Variants in PSME4 observed in about 807,000 individuals in gnomAD.
PSME4 encodes proteasome activator subunit 4.
Under a neutral mutation model 253.9 loss-of-function variants are expected in PSME4, and 89 were observed. That is an observed-to-expected ratio of 0.35 (90% CI 0.30 to 0.42). The LOEUF is 0.42. Among genes scored for constraint, PSME4 ranks in the 10% least tolerant of loss-of-function variants. The probability of loss-of-function intolerance (pLI) is 1.00; values close to 1 mark genes in which losing one functional copy is unlikely to be tolerated. For synonymous variants in PSME4, 851 were observed against 759.2 expected, an observed-to-expected ratio of 1.12 and a Z score of -1.99; for missense variants, 2,014 against 2,195.2, an observed-to-expected ratio of 0.92 and a Z score of 1.65.
At chr2:53,959,819 C>G (rs1204879801) in intron 1 of PSME4, among the ~76,000 whole-genome samples, 1 of 152,156 alleles carries the variant, frequency 6.6e-6, no homozygotes, top group Non-Finnish European at 1.5e-5. Context: ...ATTTCTAGAG[C>G]AAACAACACA....
At chr2:53,869,058 G>C (rs1007711379) in intron 44 of PSME4, among the ~76,000 whole-genome samples, 1 of 152,102 alleles carries the variant, frequency 6.6e-6, no homozygotes, top group Admixed American at 6.5e-5. Flanking sequence ...TTCCAAAACA[G>C]GTTTTTCAGA....
chr2:53,936,717 G>GAA (rs751701374), intron 6 of PSME4, 47 bp downstream of exon 6: 177 of 1,154,928 alleles, frequency 1.5e-4, no homozygotes, highest in South Asian at 3.8e-4. Flanking sequence ...GGGGAAAAAA[G>GAA]AAAAAAAAAA....
intron 44 of PSME4, among the ~76,000 whole-genome samples, chr2:53,868,415 G>A (rs1312922849): frequency 1.3e-5 from 2 of 149,538 alleles, no homozygotes; most frequent in Non-Finnish European, 3.0e-5. Context: ...TCATGCCACT[G>A]CACTCCAGCC....
At chr2:53,898,639 A>G (rs1325289275) in intron 29 of PSME4, among the ~76,000 whole-genome samples, 4 of 146,012 alleles carry the variant, frequency 2.7e-5, no homozygotes, top group East Asian at 2.0e-4. Context: ...AGTGGCACAC[A>G]CACACACACA....
At chr2:53,936,521 A>G (rs1669122827) in intron 6 of PSME4, among the ~76,000 whole-genome samples, 1 of 152,218 alleles carries the variant, frequency 6.6e-6, no homozygotes, top group South Asian at 2.1e-4. Context: ...TGCATTTTAC[A>G]ATACATGCTT....
Position 53,906,682 on chromosome 2 carries a change from T to C in PSME4, c.2859A>G (p.Leu953=). 6.2e-7 allele frequency: 1 copy of C among 1,600,018 alleles called. No individual in the cohort carries two copies. The highest frequency in any genetic ancestry group is 8.5e-7 in the Non-Finnish European group (1 of 1,174,648). Residue 953 remains leucine, a synonymous_variant, in exon 26 of 47, where the codon CTA becomes CTG. Coordinates refer to ENST00000404125, the MANE Select transcript of PSME4 (RefSeq NM_014614.3). ...RVMLQHELRT[L]TVEGCEYKKI... ...TTTTGTATTCACAACCCTCAACAGT[T>C]AGTGTCCGTAGCTAAGAAAACAATC...
chr2:53,958,315 C>T (rs574563484), intron 1 of PSME4, among the ~76,000 whole-genome samples: 15 of 151,624 alleles, frequency 9.9e-5, no homozygotes, highest in African/African-American at 2.4e-4. Context: ...GAGATAGCAC[C>T]GCTACACTCC....
At chr2:53,887,178 T>TA (rs911597257) in intron 40 of PSME4, 81 bp downstream of exon 40, 8 of 1,282,170 alleles carry the variant, frequency 6.2e-6, no homozygotes, top group South Asian at 1.3e-5. Context: ...TTTACCACAA[T>TA]AAAAAAAGTG....
intron 3 of PSME4, among the ~76,000 whole-genome samples, chr2:53,940,988 T>TA (rs1669423911): frequency 1.1e-5 from 1 of 90,362 alleles, no homozygotes; most frequent in Non-Finnish European, 2.5e-5. Context: ...TATATATATA[T>TA]ATATATATAT....
At chr2:53,961,277 C>T (rs1265418706) in intron 1 of PSME4, among the ~76,000 whole-genome samples, 1 of 152,174 alleles carries the variant, frequency 6.6e-6, no homozygotes, top group Admixed American at 6.5e-5. Flanking sequence ...GTTTTTACTA[C>T]CATGCTCTCA....
intron 8 of PSME4, 52 bp from the exon 9 acceptor site, chr2:53,932,812 CAG>C (rs776249297): frequency 2.9e-6 from 4 of 1,379,254 alleles, no homozygotes; most frequent in East Asian, 2.3e-5. Context: ...ACTGTAAAAA[CAG>C]AGGTCAACAG....
At chr2:53,876,771 T>G (rs1031506944) in intron 41 of PSME4, among the ~76,000 whole-genome samples, 7 of 134,056 alleles carry the variant, frequency 5.2e-5, no homozygotes, top group African/African-American at 2.0e-4. Flanking sequence ...CAGGCTGGAG[T>G]GTAGTGGCAC....
At chr2:53,945,424 G>A (rs1669655339) in intron 3 of PSME4, among the ~76,000 whole-genome samples, 1 of 152,056 alleles carries the variant, frequency 6.6e-6, no homozygotes, top group Admixed American at 6.6e-5. Context: ...GTAGAAAGTA[G>A]ACTGAGATGA....
In PSME4 at chr2:53,864,764, T is replaced by G. The variant is rs903557392; in HGVS notation, c.*814A>C. 3.9e-5 allele frequency: 6 copies of G among 152,616 alleles called. No individual in the cohort carries two copies. The highest frequency in any genetic ancestry group is 5.9e-5 in the Non-Finnish European group (4 of 68,036). 9.5% of individuals were successfully genotyped at this position (152,616 alleles called of 1,614,324 possible). A position where few individuals can be genotyped will look rare whatever the true frequency, so the allele number is the denominator to read the frequency against. On this transcript the variant is annotated 3_prime_UTR_variant, in exon 47 of 47. Transcript: ENST00000404125. Reference sequence around the variant, plus strand: ...AAAATAAATTAAAAAATTACAAAATTTCCACAAACACAGCAGTCTTCCATT... The same window carrying G: ...AAAATAAATTAAAAAATTACAAAATGTCCACAAACACAGCAGTCTTCCATT...
chr2:53,871,765 G>A (rs984130704), intron 43 of PSME4, among the ~76,000 whole-genome samples: 1 of 152,008 alleles, frequency 6.6e-6, no homozygotes, highest in Non-Finnish European at 1.5e-5. Context: ...CTGTATCCTA[G>A]TACTTTGGGA....
chr2:53,966,071 G>C (rs1392193698), intron 1 of PSME4, among the ~76,000 whole-genome samples: 4 of 151,926 alleles, frequency 2.6e-5, no homozygotes, highest in Non-Finnish European at 5.9e-5. Context: ...GGATCATTTG[G>C]GGCCAGGAGT....
At chr2:53,965,542 G>C (rs766049577) in intron 1 of PSME4, among the ~76,000 whole-genome samples, 2 of 140,178 alleles carry the variant, frequency 1.4e-5, no homozygotes, top group Non-Finnish European at 3.2e-5. Flanking sequence ...CCAGCAGTAT[G>C]TTGTGGAGCC....
At chr2:53,866,716 A>G (rs1470547205) in intron 45 of PSME4, 31 bp downstream of exon 45, 2 of 1,592,408 alleles carry the variant, frequency 1.3e-6, no homozygotes, top group Non-Finnish European at 1.7e-6. Context: ...CACTGATAAT[A>G]CACGTACAAA....
At position 53,969,673 on chromosome 2, in the gene PSME4, C is replaced by A. The variant is rs140605690; in HGVS notation, c.242+870G>T. Among the ~76,000 whole-genome samples, 424 of 146,502 alleles carry A rather than the reference C, an allele frequency of 2.9e-3. 2 individuals are homozygous for A. Among genetic ancestry groups the A allele is most frequent in the East Asian group, 0.02 (100 of 4,914 alleles). ...AGTAAATGTAACCTTTTTTCCCCCA[C>A]TGTATTTTCACTCGTTTTTTTTTTT... On this transcript the variant is annotated intron_variant, in intron 1 of 46. Coordinates refer to ENST00000404125, the MANE Select transcript of PSME4 (RefSeq NM_014614.3).
Sources: allele counts gnomAD v4.1 joint callset (sites outside exome capture counted in the v4.1 genomes callset), GRCh38; gene constraint gnomAD v4.1.1; transcripts MANE v1.5; gene names NCBI Gene and HGNC (gene_info 2026-07-23, HGNC 2026-07-21).